Variants in GRID1 observed in about 807,000 individuals in gnomAD.
GRID1 encodes the protein glutamate ionotropic receptor delta type subunit 1.
In GRID1, 28 loss-of-function variants were observed where a neutral mutation model predicts 98.0. That is an observed-to-expected ratio of 0.29 (90% confidence interval 0.21 to 0.39). The LOEUF (loss-of-function observed/expected upper bound fraction) is 0.39, where lower values mean the gene tolerates loss of function less well. Ranked by LOEUF, GRID1 falls within the 10% of genes least tolerant of loss-of-function variation. The probability of loss-of-function intolerance (pLI) is 1.00; values close to 1 mark genes in which losing one functional copy is unlikely to be tolerated. For missense variants in GRID1, 1,111 were observed against 1,340.5 expected (o/e 0.83, Z 2.67); for synonymous variants, 553 against 538.5 (o/e 1.03, Z -0.37).
intron 2 of GRID1, among the ~76,000 whole-genome samples, chr10:86,333,304 T>C (rs1242657735): frequency 6.6e-6 from 1 of 152,208 alleles, no homozygotes; most frequent in Non-Finnish European, 1.5e-5. Flanking sequence ...TTCCCTAACT[T>C]CACTAGAGAG....
intron 8 of GRID1, among the ~76,000 whole-genome samples, chr10:85,787,647 C>T (rs1379677015): frequency 6.6e-6 from 1 of 152,212 alleles, no homozygotes; most frequent in African/African-American, 2.4e-5. Flanking sequence ...CTGAGACACA[C>T]AGGACCACCC....
At chr10:85,835,426 G>A (rs976169366) in intron 8 of GRID1, among the ~76,000 whole-genome samples, 2 of 152,164 alleles carry the variant, frequency 1.3e-5, no homozygotes, top group African/African-American at 4.8e-5. Flanking sequence ...TCCCCATACT[G>A]TTCTCATGGT....
intron 2 of GRID1, among the ~76,000 whole-genome samples, chr10:86,253,267 G>A (rs1564720082): frequency 6.6e-6 from 1 of 152,216 alleles, no homozygotes; most frequent in Non-Finnish European, 1.5e-5. Flanking sequence ...TCTCTGCATC[G>A]GAGGCCTGCT....
chr10:85,865,922 T>TATATATAC (rs1554836183), intron 6 of GRID1, among the ~76,000 whole-genome samples: 4 of 111,626 alleles, frequency 3.6e-5, no homozygotes, highest in African/African-American at 1.5e-4. Context: ...CATATATATA[T>TATATATAC]ATATATATAT....
chr10:85,668,627 C>G (rs1841050466), intron 12 of GRID1, among the ~76,000 whole-genome samples: 2 of 152,032 alleles, frequency 1.3e-5, no homozygotes, highest in Non-Finnish European at 2.9e-5. Flanking sequence ...AAAATGAGAC[C>G]CAGAAAGCAG....
chr10:86,319,477 G>A (rs1564737699), intron 2 of GRID1, among the ~76,000 whole-genome samples: 1 of 152,278 alleles, frequency 6.6e-6, no homozygotes, highest in East Asian at 1.9e-4. Flanking sequence ...GTCTCCAGCT[G>A]TTGCCTCCAC....
At chr10:85,939,409 A>C (rs536693503) in intron 4 of GRID1, among the ~76,000 whole-genome samples, 1 of 152,344 alleles carries the variant, frequency 6.6e-6, no homozygotes, top group Admixed American at 6.5e-5. Flanking sequence ...GGTAGAGTAG[A>C]TGTCTCACTA....
intron 2 of GRID1, among the ~76,000 whole-genome samples, chr10:86,347,957 G>T (rs983482891): frequency 3.3e-5 from 5 of 152,130 alleles, no homozygotes; most frequent in Non-Finnish European, 4.4e-5. Flanking sequence ...AGGGTGCGAG[G>T]CCCGGCCACC....
intron 12 of GRID1, among the ~76,000 whole-genome samples, chr10:85,703,834 A>G (rs1219404343): frequency 1.3e-5 from 2 of 152,058 alleles, no homozygotes; most frequent in Non-Finnish European, 2.9e-5. Context: ...AAAATACAAG[A>G]TTACAATTTG....
intron 8 of GRID1, among the ~76,000 whole-genome samples, chr10:85,778,997 G>A (rs11201791): frequency 1.3e-4 from 20 of 152,208 alleles, no homozygotes; most frequent in Admixed American, 1.2e-3. Flanking sequence ...TATGAAGTCT[G>A]AGAAGCAGCC....
intron 5 of GRID1, among the ~76,000 whole-genome samples, chr10:85,915,659 A>G (rs567631933): frequency 6.6e-6 from 1 of 151,936 alleles, no homozygotes; most frequent in East Asian, 1.9e-4. Flanking sequence ...TACACACCAC[A>G]CAACTCATAC....
chr10:85,677,383 A>C (rs1841156662), intron 12 of GRID1, among the ~76,000 whole-genome samples: 1 of 152,170 alleles, frequency 6.6e-6, no homozygotes, highest in Non-Finnish European at 1.5e-5. Context: ...GTTGAGGGGG[A>C]GTAGGGATCA....
chr10:86,160,333 A>G (rs904370777), intron 3 of GRID1, among the ~76,000 whole-genome samples: 1 of 152,202 alleles, frequency 6.6e-6, no homozygotes, highest in East Asian at 1.9e-4. Context: ...AGTTCAGTCC[A>G]GATCACCTAT....
At chr10:85,643,674 T>A (rs937927317) in intron 13 of GRID1, among the ~76,000 whole-genome samples, 6 of 152,136 alleles carry the variant, frequency 3.9e-5, no homozygotes, top group African/African-American at 1.4e-4. Context: ...CTCACTTTTA[T>A]GACACTAGTT....
At chr10:85,780,104 C>A (rs1842368112) in intron 8 of GRID1, among the ~76,000 whole-genome samples, 1 of 152,204 alleles carries the variant, frequency 6.6e-6, no homozygotes, top group Admixed American at 6.5e-5. Flanking sequence ...AGGGGCAGAG[C>A]AGCTCTACCT....
intron 2 of GRID1, among the ~76,000 whole-genome samples, chr10:86,229,918 T>C (rs1846424227): frequency 6.6e-6 from 1 of 152,186 alleles, no homozygotes; most frequent in Non-Finnish European, 1.5e-5. Flanking sequence ...AGGCAGTCAC[T>C]CCACCATATG....
At chr10:85,691,511 A>G (rs1841332049) in intron 12 of GRID1, among the ~76,000 whole-genome samples, 1 of 152,122 alleles carries the variant, frequency 6.6e-6, no homozygotes. Context: ...TTGTGATTAG[A>G]CCACTCACAC....
At chr10:85,639,670 T>C (rs1843091524) in intron 13 of GRID1, among the ~76,000 whole-genome samples, 1 of 152,168 alleles carries the variant, frequency 6.6e-6, no homozygotes, top group Non-Finnish European at 1.5e-5. Context: ...GGTCGGGAGT[T>C]TGAGACCAGC....
At chr10:85,764,405 C>G (rs1030006676) in intron 8 of GRID1, among the ~76,000 whole-genome samples, 1 of 152,218 alleles carries the variant, frequency 6.6e-6, no homozygotes, top group African/African-American at 2.4e-5. Flanking sequence ...GTAGCATTCA[C>G]AAGTCCTCAG....
Sources: gnomAD v4.1 joint callset for allele counts (sites outside exome capture counted in the v4.1 genomes callset) on GRCh38, gnomAD v4.1.1 for gene constraint, MANE v1.5 for transcripts, NCBI Gene and HGNC (gene_info 2026-07-23, HGNC 2026-07-21) for gene names.